Variants in MAPRE2 observed in about 807,000 individuals in gnomAD.
MAPRE2 encodes the protein microtubule-associated protein RP/EB family member 2.
Under a neutral mutation model 43.2 loss-of-function variants are expected in MAPRE2, and 13 were observed. The ratio of observed to expected loss-of-function variants is 0.30; its 90% CI spans 0.20 to 0.48. The LOEUF is 0.48. Ranked by LOEUF, MAPRE2 falls within the 20% of genes least tolerant of loss-of-function variation. The pLI, the probability that MAPRE2 is intolerant of heterozygous loss-of-function variation, is 0.99. For synonymous variants in MAPRE2, 135 were observed against 148.8 expected, an observed-to-expected ratio of 0.91 and a Z score of 0.68; for missense variants, 161 against 400.2, an observed-to-expected ratio of 0.40 and a Z score of 5.10.
intron 2 of MAPRE2, among the ~76,000 whole-genome samples, chr18:35,088,113 A>C (rs1907964675): frequency 6.6e-6 from 1 of 152,210 alleles, no homozygotes; most frequent in Non-Finnish European, 1.5e-5. Context: ...TTCAACATGC[A>C]TTTTGGAGGG....
At chr18:35,133,098 G>T (rs1910236228) in intron 6 of MAPRE2, among the ~76,000 whole-genome samples, 1 of 152,138 alleles carries the variant, frequency 6.6e-6, no homozygotes, top group Non-Finnish European at 1.5e-5. Context: ...TGTATGTGTT[G>T]ATATTTCTAT....
rs1282799616 is a variant in MAPRE2, at chr18:34,996,823, TA to T, written c.-69-8664del. ...TGCTTCAAATATATGAAATTGAATT[TA>T]AAAACAATATGCAAAGGAAGCCTGA... is the stretch of plus-strand genomic sequence containing the variant. On this transcript the variant is annotated intron_variant, in intron 1 of 7. Coordinates refer to the MAPRE2 transcript ENST00000413393. Among the ~76,000 whole-genome samples, 12 of 152,280 alleles carry T rather than the reference TA, an allele frequency of 7.9e-5. No individual in the cohort carries two copies. In the East Asian group the frequency reaches 2.3e-3, roughly 29 times the overall value.
intron 1 of MAPRE2, chr18:34,978,670 A>G: frequency 1.2e-6 from 1 of 829,958 alleles, no homozygotes; most frequent in Non-Finnish European, 2.0e-6. Flanking sequence ...ATGCTTCCTT[A>G]CTTTGCTTTC....
chr18:35,044,379 C>G (rs995098539), intron 1 of MAPRE2, among the ~76,000 whole-genome samples: 1 of 152,134 alleles, frequency 6.6e-6, no homozygotes, highest in African/African-American at 2.4e-5. Flanking sequence ...TACAGGCATG[C>G]GCCACCACGC....
intron 2 of MAPRE2, among the ~76,000 whole-genome samples, chr18:35,026,210 G>A (rs2097045065): frequency 2.0e-5 from 3 of 152,112 alleles, no homozygotes; most frequent in African/African-American, 7.2e-5. Context: ...GAAATGAACA[G>A]GTATGATGTC....
chr18:34,988,210 T>TCCC (rs2097021984), intron 1 of MAPRE2, among the ~76,000 whole-genome samples: 1 of 152,206 alleles, frequency 6.6e-6, no homozygotes, highest in Admixed American at 6.5e-5. Flanking sequence ...GATTCCAAAC[T>TCCC]ATTCTTGTGA....
chr18:34,986,486 A>G, intron 1 of MAPRE2, among the ~76,000 whole-genome samples: 1 of 152,174 alleles, frequency 6.6e-6, no homozygotes, highest in East Asian at 1.9e-4. Flanking sequence ...TTCCCGGGAA[A>G]GACGCTATTG....
At chr18:35,006,934 GCTTGGGTGACAGAGCAAGACTCCAT>G (rs1327863618) in intron 2 of MAPRE2, among the ~76,000 whole-genome samples, 1 of 152,198 alleles carries the variant, frequency 6.6e-6, no homozygotes, top group African/African-American at 2.4e-5. Context: ...CTGCACTCCA[GCTTGGGTGACAGAGCAAGACTCCAT>G]CTAAAACAAG....
chr18:35,133,895 C>T (rs1044070837), intron 6 of MAPRE2, among the ~76,000 whole-genome samples: 2 of 152,186 alleles, frequency 1.3e-5, no homozygotes, highest in Non-Finnish European at 2.9e-5. Context: ...CCCATCACCA[C>T]CCGACCCCAC....
intron 1 of MAPRE2, among the ~76,000 whole-genome samples, chr18:35,069,276 A>G (rs866156807): frequency 6.6e-6 from 1 of 152,224 alleles, no homozygotes; most frequent in Non-Finnish European, 1.5e-5. Flanking sequence ...TGAACCTTAT[A>G]TGAATCCAGA....
At chr18:35,076,927 C>G (rs2144118186) in intron 2 of MAPRE2, among the ~76,000 whole-genome samples, 2 of 152,270 alleles carry the variant, frequency 1.3e-5, no homozygotes, top group South Asian at 4.1e-4. Flanking sequence ...CAGGAACAGA[C>G]CTACAGATAT....
intron 4 of MAPRE2, among the ~76,000 whole-genome samples, chr18:35,116,522 C>A (rs1909417516): frequency 6.6e-6 from 1 of 152,166 alleles, no homozygotes; most frequent in Non-Finnish European, 1.5e-5. Flanking sequence ...AAAGGCTCAA[C>A]TGGGGAAAGA....
chr18:34,984,419 GA>G, intron 1 of MAPRE2: 1 of 152,054 alleles, frequency 6.6e-6, no homozygotes, highest in African/African-American at 2.4e-5. Context: ...TTTATAGACT[GA>G]AAAGACAAAG....
chr18:34,997,221 T>A (rs762593606), intron 1 of MAPRE2, among the ~76,000 whole-genome samples: 22 of 152,188 alleles, frequency 1.4e-4, no homozygotes, highest in Non-Finnish European at 2.8e-4. Context: ...TCAAGGGGAA[T>A]GAAAATTGGA....
intron 4 of MAPRE2, among the ~76,000 whole-genome samples, chr18:35,125,577 A>G (rs1909870498): frequency 6.6e-6 from 1 of 152,252 alleles, no homozygotes; most frequent in Admixed American, 6.5e-5. Flanking sequence ...GAACACCTGC[A>G]CCACACTGAA....
intron 1 of MAPRE2, among the ~76,000 whole-genome samples, chr18:35,063,355 C>CAT (rs1906651004): frequency 6.6e-6 from 1 of 152,138 alleles, no homozygotes; most frequent in Non-Finnish European, 1.5e-5. Context: ...GATCCGCCCG[C>CAT]CTTGTCCTCC....
intron 6 of MAPRE2, among the ~76,000 whole-genome samples, chr18:35,133,693 C>G (rs1325493577): frequency 6.6e-6 from 1 of 152,184 alleles, no homozygotes; most frequent in Non-Finnish European, 1.5e-5. Flanking sequence ...AACCTCATGC[C>G]AGATTTTGTC....
intron 6 of MAPRE2, among the ~76,000 whole-genome samples, chr18:35,138,925 T>A (rs900897368): frequency 3.3e-5 from 5 of 152,148 alleles, no homozygotes; most frequent in African/African-American, 1.2e-4. Flanking sequence ...CAGTCATTCA[T>A]CCTTGAATCC....
At chr18:35,087,630 C>T (rs1247686905) in intron 2 of MAPRE2, among the ~76,000 whole-genome samples, 2 of 152,130 alleles carry the variant, frequency 1.3e-5, no homozygotes, top group South Asian at 2.1e-4. Context: ...AACTGCTATG[C>T]AGATCTTCAT....
Sources: gnomAD v4.1 joint callset for allele counts (sites outside exome capture counted in the v4.1 genomes callset) on GRCh38, gnomAD v4.1.1 for gene constraint, MANE v1.5 for transcripts, NCBI Gene and HGNC (gene_info 2026-07-23, HGNC 2026-07-21) for gene names.